The following ZFAND3 variants were observed in gnomAD, a reference collection of about 807,000 sequenced individuals.
The protein encoded by ZFAND3 is zinc finger AN1-type containing 3.
Under a neutral mutation model 29.6 loss-of-function variants are expected in ZFAND3, and 10 were observed. The observed-to-expected ratio is 0.34, with a 90% CI of 0.21 to 0.57. The LOEUF (loss-of-function observed/expected upper bound fraction) is 0.57, where lower values mean the gene tolerates loss of function less well. Among genes scored for constraint, ZFAND3 ranks in the 20% least tolerant of loss-of-function variants. The pLI is 0.86. For synonymous variants in ZFAND3, 128 were observed against 112.6 expected (o/e 1.14, Z -0.87); for missense variants, 230 against 304.5 (o/e 0.76, Z 1.82).
At chr6:37,902,209 G>A (rs185017317) in intron 1 of ZFAND3, among the ~76,000 whole-genome samples, 78 of 152,304 alleles carry the variant, frequency 5.1e-4, no homozygotes, top group African/African-American at 1.9e-3. Context: ...AGGACATTGG[G>A]AGGCCAAGCC....
At chr6:37,928,565 G>C (rs1489256383) in intron 1 of ZFAND3, among the ~76,000 whole-genome samples, 1 of 152,128 alleles carries the variant, frequency 6.6e-6, no homozygotes, top group Admixed American at 6.5e-5. Context: ...CTGTTGCCCA[G>C]GCTGGAGTGC....
intron 4 of ZFAND3, among the ~76,000 whole-genome samples, chr6:38,101,637 G>A (rs893170535): frequency 6.6e-6 from 1 of 151,954 alleles, no homozygotes; most frequent in African/African-American, 2.4e-5. Context: ...ACCCGGGCAT[G>A]GTGGTGGGCA....
intron 2 of ZFAND3, among the ~76,000 whole-genome samples, chr6:38,029,235 T>C (rs565163444): frequency 5.3e-5 from 8 of 152,304 alleles, no homozygotes; most frequent in African/African-American, 1.9e-4. Flanking sequence ...TCAGGCCATA[T>C]CTACAAACGA....
intron 1 of ZFAND3, among the ~76,000 whole-genome samples, chr6:37,910,040 T>C (rs933458898): frequency 2.0e-5 from 3 of 152,248 alleles, no homozygotes; most frequent in African/African-American, 7.2e-5. Context: ...CTAAGGCTTG[T>C]TCTTTGCATG....
chr6:37,886,733 G>T (rs1765001917), intron 1 of ZFAND3, among the ~76,000 whole-genome samples: 1 of 152,154 alleles, frequency 6.6e-6, no homozygotes, highest in Admixed American at 6.5e-5. Context: ...GGTGGTTCAC[G>T]CCTGTAATCC....
chr6:38,037,577 TA>T (rs930678607), intron 2 of ZFAND3, among the ~76,000 whole-genome samples: 1 of 152,198 alleles, frequency 6.6e-6, no homozygotes, highest in Non-Finnish European at 1.5e-5. Context: ...AGCTAACAGG[TA>T]AAAGGTATAC....
chr6:38,074,884 A>G lies in ZFAND3; in HGVS notation c.296-7508A>G, dbSNP rs540388148. Among the ~76,000 whole-genome samples, 7 of 152,342 alleles carry G rather than the reference A, an allele frequency of 4.6e-5. No homozygotes were observed. In the East Asian group the frequency reaches 7.7e-4, roughly 17 times the overall value. ...TCCTAGGGCACTTAAGAATTCTGCTACATCCGCTCTGCCTGTGTTCTGTAA... is the reference window on the plus strand; with the variant it reads ...TCCTAGGGCACTTAAGAATTCTGCTGCATCCGCTCTGCCTGTGTTCTGTAA... On this transcript the variant is annotated intron_variant, in intron 3 of 5. Coordinates refer to ENST00000287218, the MANE Select transcript of ZFAND3 (RefSeq NM_021943.3).
chr6:38,142,786 C>T (rs1296826065), intron 5 of ZFAND3, among the ~76,000 whole-genome samples: 2 of 152,192 alleles, frequency 1.3e-5, no homozygotes, highest in Non-Finnish European at 2.9e-5. Flanking sequence ...TGGTTAATGC[C>T]ATCTGCTTTC....
At chr6:37,908,756 AAAAAG>A (rs1473138423) in intron 1 of ZFAND3, among the ~76,000 whole-genome samples, 4 of 150,796 alleles carry the variant, frequency 2.7e-5, no homozygotes, top group South Asian at 2.1e-4. Context: ...AAAAAAAAAA[AAAAAG>A]AAAAGTTTGA....
At chr6:37,998,111 A>G (rs1189279348) in intron 2 of ZFAND3, among the ~76,000 whole-genome samples, 1 of 152,254 alleles carries the variant, frequency 6.6e-6, no homozygotes, top group African/African-American at 2.4e-5. Flanking sequence ...ACTGTAGAAT[A>G]TTATTCAACT....
intron 1 of ZFAND3, among the ~76,000 whole-genome samples, chr6:37,907,201 T>C (rs1022150963): frequency 1.3e-5 from 2 of 152,106 alleles, no homozygotes; most frequent in African/African-American, 4.8e-5. Context: ...GATCATAGAA[T>C]ATTCCTCTCC....
At chr6:37,865,875 A>G (rs956804609) in intron 1 of ZFAND3, among the ~76,000 whole-genome samples, 7 of 152,148 alleles carry the variant, frequency 4.6e-5, no homozygotes, top group Non-Finnish European at 8.8e-5. Context: ...CTCTTTTCCA[A>G]CTATGAAACT....
intron 1 of ZFAND3, among the ~76,000 whole-genome samples, chr6:37,834,854 C>CAAAAAAA (rs35865620): frequency 7.0e-6 from 1 of 142,032 alleles, no homozygotes; most frequent in African/African-American, 2.8e-5. Context: ...ATGTATGTTT[C>CAAAAAAA]AAAAAAAAAA....
At chr6:38,019,058 G>A (rs1480295538) in intron 2 of ZFAND3, among the ~76,000 whole-genome samples, 1 of 152,050 alleles carries the variant, frequency 6.6e-6, no homozygotes, top group Non-Finnish European at 1.5e-5. Flanking sequence ...CACCTCCTGG[G>A]TTCAAGCAAT....
intron 2 of ZFAND3, among the ~76,000 whole-genome samples, chr6:37,931,715 T>A (rs1295106239): frequency 6.6e-6 from 1 of 152,178 alleles, no homozygotes; most frequent in Admixed American, 6.5e-5. Flanking sequence ...GGAGGCTGGC[T>A]AGATTTTTAT....
chr6:38,070,215 G>A (rs1764424704), intron 3 of ZFAND3, among the ~76,000 whole-genome samples: 1 of 152,018 alleles, frequency 6.6e-6, no homozygotes, highest in Admixed American at 6.5e-5. Flanking sequence ...ACCAGGTCAG[G>A]AGTTCAAGAC....
intron 1 of ZFAND3, among the ~76,000 whole-genome samples, chr6:37,847,938 A>G (rs1378946061): frequency 6.6e-6 from 1 of 152,258 alleles, no homozygotes; most frequent in African/African-American, 2.4e-5. Flanking sequence ...AGAATTGAGT[A>G]GTTGTGACAG....
At chr6:38,082,220 T>G (rs974415786) in intron 3 of ZFAND3, among the ~76,000 whole-genome samples, 172 bp from the exon 4 acceptor site, 2 of 151,430 alleles carry the variant, frequency 1.3e-5, no homozygotes, top group African/African-American at 4.9e-5. Flanking sequence ...ATTGCTGAAC[T>G]AAAATTAGGT....
intron 4 of ZFAND3, among the ~76,000 whole-genome samples, chr6:38,108,025 A>T (rs190681413): frequency 6.6e-6 from 1 of 152,220 alleles, no homozygotes; most frequent in African/African-American, 2.4e-5. Context: ...TAAGAGCCAA[A>T]TGTAACACAT....
Sources: allele counts gnomAD v4.1 joint callset (sites outside exome capture counted in the v4.1 genomes callset), GRCh38; gene constraint gnomAD v4.1.1; transcripts MANE v1.5; gene names NCBI Gene and HGNC (gene_info 2026-07-23, HGNC 2026-07-21).